The following CACNA1B variants were observed in gnomAD, a reference collection of about 807,000 sequenced individuals.
CACNA1B encodes voltage-dependent N-type calcium channel subunit alpha-1B.
Under a neutral mutation model 247.2 loss-of-function variants are expected in CACNA1B, and 70 were observed. The ratio of observed to expected loss-of-function variants is 0.28; its 90% CI spans 0.23 to 0.35. The LOEUF is 0.35. Ranked by LOEUF, CACNA1B falls within the 10% of genes least tolerant of loss-of-function variation. The pLI, the probability that CACNA1B is intolerant of heterozygous loss-of-function variation, is 1.00. For synonymous variants in CACNA1B, 1,231 were observed against 1,294.4 expected, an observed-to-expected ratio of 0.95 and a Z score of 1.05; for missense variants, 2,367 against 3,197.4, an observed-to-expected ratio of 0.74 and a Z score of 6.26.
Position 137,971,475 on chromosome 9 carries a change from C to T in CACNA1B, c.1426C>T (p.Arg476Trp), listed in dbSNP as rs1436598209. ...RKEKMFRFFI[R>W]RMVKAQSFYW... ...GGAGAAGATGTTCCGGTTTTTTATC[C>T]GGCGCATGGTGAAGGCTCAGAGCTT... Residue 476 changes from arginine (R) to tryptophan (W), a missense_variant, in exon 11 of 47, where the codon CGG becomes TGG. Arg to Trp is a moderately radical substitution (Grantham distance 101, BLOSUM62 -3). Around this residue, in one of 12 missense-constraint regions of CACNA1B, gnomAD observed 219 missense variants for 297.6 expected, o/e 0.74. Coordinates refer to ENST00000371372, the MANE Select transcript of CACNA1B (RefSeq NM_000718.4). The surrounding 1 kb of genome is among the most constrained non-coding windows in gnomAD (Gnocchi z 4.4). 8 of 1,613,358 alleles carry T rather than the reference C, an allele frequency of 5.0e-6. No homozygotes were observed. The highest frequency in any genetic ancestry group is 1.1e-5 in the South Asian group (1 of 90,930).
intron 19 of CACNA1B, among the ~76,000 whole-genome samples, 181 bp downstream of exon 19, chr9:138,023,992 C>A (rs1470097382): frequency 6.6e-6 from 1 of 152,188 alleles, no homozygotes; most frequent in Admixed American, 6.5e-5. Context: ...GACAATCCTG[C>A]CTTGCAGGGT....
intron 31 of CACNA1B, among the ~76,000 whole-genome samples, chr9:138,061,519 C>G (rs751879803): frequency 6.6e-6 from 1 of 152,168 alleles, no homozygotes; most frequent in Non-Finnish European, 1.5e-5. Context: ...AGTGTATCAC[C>G]AAGCCGGCAT....
chr9:138,004,683 A>G (rs1428939808), intron 15 of CACNA1B, among the ~76,000 whole-genome samples: 2 of 152,188 alleles, frequency 1.3e-5, no homozygotes, highest in Non-Finnish European at 2.9e-5. Context: ...GTTTATACAT[A>G]CGTGTATGTG....
At chr9:137,885,497 T>G (rs1956998170) in intron 3 of CACNA1B, among the ~76,000 whole-genome samples, 1 of 146,284 alleles carries the variant, frequency 6.8e-6, no homozygotes. Flanking sequence ...CTCAGAGGGT[T>G]GGAGGGAGAG....
intron 20 of CACNA1B, among the ~76,000 whole-genome samples, chr9:138,037,381 G>A (rs958362407): frequency 6.6e-6 from 1 of 152,160 alleles, no homozygotes; most frequent in Non-Finnish European, 1.5e-5. Context: ...AATCCAGGCC[G>A]GGCTCAGTGG....
intron 40 of CACNA1B, among the ~76,000 whole-genome samples, 169 bp from the exon 41 acceptor site, chr9:138,114,209 G>A (rs1222170052): frequency 6.6e-6 from 1 of 152,180 alleles, no homozygotes; most frequent in East Asian, 1.9e-4. Flanking sequence ...CCAAACTCCT[G>A]GTGGCCGAGC....
chr9:138,022,964 C>T, intron 18 of CACNA1B, 47 bp from the exon 19 acceptor site: 1 of 1,448,676 alleles, frequency 6.9e-7, no homozygotes, highest in Non-Finnish European at 9.0e-7. Context: ...TGGAGAGCGG[C>T]GGGCGGGCGG....
At position 138,112,442 on chromosome 9, in the gene CACNA1B, A is replaced by G. The variant is rs1312421022; in HGVS notation, c.5473A>G (p.Ile1825Val). ...HQCDAELRKEISVVWANLPQK... is the reference protein window; with the variant it reads ...HQCDAELRKEVSVVWANLPQK... ...GTGTGACGCGGAGTTGAGGAAGGAGATTTCCGTTGTGTGGGCCAATCTGCC... is the reference window on the plus strand; with the variant it reads ...GTGTGACGCGGAGTTGAGGAAGGAGGTTTCCGTTGTGTGGGCCAATCTGCC... Residue 1825 changes from isoleucine (I) to valine (V), a missense_variant, in exon 40 of 47, where the codon ATT (isoleucine) becomes GTT (valine). Ile to Val is a conservative substitution (Grantham distance 29, BLOSUM62 3). This residue lies in a region of CACNA1B where 773 missense variants were observed against 779.4 expected (regional missense o/e 0.99). Transcript: ENST00000371372. 4 of 1,613,546 alleles carry G rather than the reference A, an allele frequency of 2.5e-6. No individual in the cohort carries two copies. The highest frequency in any genetic ancestry group is 3.4e-6 in the Non-Finnish European group (4 of 1,179,716).
chr9:138,053,641 TC>T lies in CACNA1B; in HGVS notation c.3808-201del, dbSNP rs540032975. On this transcript the variant is annotated intron_variant, in intron 25 of 46. Coordinates refer to ENST00000371372, the MANE Select transcript of CACNA1B (RefSeq NM_000718.4). ...ACCCCTCTCATCATGGCACCACCCT[TC>T]CCCTCATGGCCCCACCCTCCCACCA... Among the ~76,000 whole-genome samples the T allele has an allele frequency of 1.0e-3, 110 of 107,702 alleles. 1 individual carries two copies. Among genetic ancestry groups the T allele is most frequent in the African/African-American group, 3.9e-3 (106 of 27,006 alleles). The allele number at this position is 107,702 out of a possible 152,430, so 70.7% of individuals were successfully genotyped here.
intron 31 of CACNA1B, among the ~76,000 whole-genome samples, chr9:138,061,500 A>G (rs1457574364): frequency 2.0e-5 from 3 of 152,044 alleles, no homozygotes; most frequent in Non-Finnish European, 4.4e-5. Flanking sequence ...TGGCACCCCA[A>G]CCCCATGAAG....
chr9:138,025,711 G>A (rs1007476909), intron 20 of CACNA1B, among the ~76,000 whole-genome samples: 2 of 152,138 alleles, frequency 1.3e-5, no homozygotes, highest in African/African-American at 2.4e-5. Context: ...TCACATGCTC[G>A]GAACAGCCTT....
chr9:137,934,135 A>G (rs1254112198), intron 6 of CACNA1B, among the ~76,000 whole-genome samples: 1 of 152,234 alleles, frequency 6.6e-6, no homozygotes, highest in Non-Finnish European at 1.5e-5. Flanking sequence ...GTAGGCATTT[A>G]CTTATTTTTC....
rs1053199454 is a variant in CACNA1B, at chr9:138,072,626, T to A, written c.4675-862T>A. On this transcript the variant is annotated intron_variant, in intron 32 of 46. Transcript: ENST00000371372. The surrounding 1 kb of genome is among the most constrained non-coding windows in gnomAD (Gnocchi z 4.5). ...GGTAGACAGAGGGCAGAAAGCCTCC[T>A]GGGTCCACAAGCACCCCCATCTGTG... is the stretch of plus-strand genomic sequence containing the variant. Among the ~76,000 whole-genome samples the A allele has an allele frequency of 9.2e-5, 14 of 152,202 alleles. No homozygotes were observed. Among genetic ancestry groups the A allele is most frequent in the Non-Finnish European group, 1.5e-4 (10 of 68,038 alleles).
In CACNA1B at chr9:138,112,314, G is replaced by C; in HGVS notation, c.5429-84G>C. On this transcript the variant is annotated intron_variant, in intron 39 of 46. Transcript: ENST00000371372. ...GCCTACACCATTCATCTCCCCACCT[G>C]CACCAGCTCTGCCCCATTGGCGGCT... The C allele has an allele frequency of 7.6e-6, 7 of 921,112 alleles. No individual in the cohort carries two copies. The South Asian group carries it at 9.7e-5, about 13-fold the overall frequency. 57.1% of individuals were successfully genotyped at this position (921,112 alleles called of 1,614,324 possible).
At chr9:138,004,991 G>A (rs1489904439) in intron 15 of CACNA1B, among the ~76,000 whole-genome samples, 1 of 152,178 alleles carries the variant, frequency 6.6e-6, no homozygotes, top group Non-Finnish European at 1.5e-5. Flanking sequence ...ACAAATGCTG[G>A]CAAGGATATA....
rs1353151124 is a variant in CACNA1B, at chr9:137,955,393, C to T, written c.1071-305C>T. On this transcript the variant is annotated intron_variant, in intron 7 of 46. Coordinates refer to ENST00000371372, the MANE Select transcript of CACNA1B (RefSeq NM_000718.4). This position sits in a 1 kb window ranked among gnomAD's most constrained non-coding sequence, Gnocchi z 6.9. The stretch of plus-strand genomic sequence containing the variant: ...CAGGGGCTGTGAAATTGTCCCTGCT[C>T]TCTAGAACTGCCCCTCTGGGGACCA... Among the ~76,000 whole-genome samples, 4 of 152,226 alleles carry T rather than the reference C, an allele frequency of 2.6e-5. No homozygotes were observed. The highest frequency in any genetic ancestry group is 2.1e-4 in the South Asian group (1 of 4,830).
chr9:138,007,697 G>A lies in CACNA1B; in HGVS notation c.2092+813G>A, dbSNP rs1958670362. Among the ~76,000 whole-genome samples the A allele has an allele frequency of 6.6e-6, 1 of 152,126 alleles. No individual in the cohort carries two copies. Among genetic ancestry groups the A allele is most frequent in the Admixed American group, 6.5e-5 (1 of 15,278 alleles). Reference sequence around the variant, plus strand: ...GAATGTGCATTCTCACAGGCTGCAGGGGGAGCCCGTGTTTCTGTTCTGGGG... The same window carrying A: ...GAATGTGCATTCTCACAGGCTGCAGAGGGAGCCCGTGTTTCTGTTCTGGGG... On this transcript the variant is annotated intron_variant, in intron 16 of 46. Coordinates refer to ENST00000371372, the MANE Select transcript of CACNA1B (RefSeq NM_000718.4). The surrounding 1 kb of genome is among the most constrained non-coding windows in gnomAD (Gnocchi z 4.1).
chr9:138,045,627 T>G (rs953285155), intron 21 of CACNA1B, among the ~76,000 whole-genome samples: 1 of 151,868 alleles, frequency 6.6e-6, no homozygotes, highest in Non-Finnish European at 1.5e-5. Flanking sequence ...AAGCCTGGGG[T>G]GGCTGGGGAT....
At chr9:138,032,445 T>C (rs534624221) in intron 20 of CACNA1B, among the ~76,000 whole-genome samples, 5 of 152,300 alleles carry the variant, frequency 3.3e-5, no homozygotes, top group South Asian at 4.1e-4. Flanking sequence ...GTGTGTTGTA[T>C]TTACCTGTAT....
Sources: gnomAD v4.1 joint callset for allele counts (sites outside exome capture counted in the v4.1 genomes callset) on GRCh38, gnomAD v4.1.1 for gene constraint, gnomAD v4.1.1 regional missense constraint, Gnocchi (gnomAD v3.1) non-coding constraint, MANE v1.5 for transcripts, NCBI Gene and HGNC (gene_info 2026-07-23, HGNC 2026-07-21) for gene names.